Variants in LSAMP observed in about 807,000 individuals in gnomAD.
LSAMP encodes limbic system-associated membrane protein.
Under a neutral mutation model 38.6 loss-of-function variants are expected in LSAMP, and 7 were observed. The observed-to-expected ratio is 0.18, with a 90% CI of 0.10 to 0.34. LSAMP has a LOEUF of 0.34. Among genes scored for constraint, LSAMP ranks in the 10% least tolerant of loss-of-function variants. The probability of loss-of-function intolerance (pLI) is 1.00; values close to 1 mark genes in which losing one functional copy is unlikely to be tolerated. For missense variants in LSAMP, 313 were observed against 420.0 expected (o/e 0.75, Z 2.23); for synonymous variants, 154 against 166.8 (o/e 0.92, Z 0.59).
Position 115,930,936 on chromosome 3 carries a change from A to C in LSAMP, c.515-78319T>G, listed in dbSNP as rs537317921. ...TTTTTCTATCACATTTTATAAAAACAAGATAAAAATTACATAAATTGTTTG... is the reference window on the plus strand; with the variant it reads ...TTTTTCTATCACATTTTATAAAAACCAGATAAAAATTACATAAATTGTTTG... On this transcript the variant is annotated intron_variant, in intron 3 of 6. Transcript: ENST00000490035. 9.2e-5 allele frequency among the ~76,000 whole-genome samples: 14 copies of C among 152,350 alleles called. No individual in the cohort carries two copies. The South Asian group carries it at 2.7e-3, about 29-fold the overall frequency.
intron 1 of LSAMP, among the ~76,000 whole-genome samples, chr3:116,188,749 G>A (rs1045876643): frequency 6.6e-6 from 1 of 152,170 alleles, no homozygotes; most frequent in Non-Finnish European, 1.5e-5. Flanking sequence ...TTGCGGGAAT[G>A]GGGGAATTCA....
intron 3 of LSAMP, among the ~76,000 whole-genome samples, chr3:115,915,626 G>C (rs1022160640): frequency 2.6e-5 from 4 of 151,974 alleles, no homozygotes; most frequent in Non-Finnish European, 5.9e-5. Flanking sequence ...TCTGTGGATG[G>C]AAATTAGGAA....
At chr3:116,419,078 C>T (rs2049089099) in intron 1 of LSAMP, among the ~76,000 whole-genome samples, 1 of 152,204 alleles carries the variant, frequency 6.6e-6, no homozygotes, top group South Asian at 2.1e-4. Context: ...TGTAGAAGTG[C>T]TACCCTGTGT....
intron 1 of LSAMP, among the ~76,000 whole-genome samples, chr3:116,357,131 C>T (rs1217274929): frequency 6.6e-6 from 1 of 152,126 alleles, no homozygotes; most frequent in East Asian, 1.9e-4. Flanking sequence ...CTAATCAACA[C>T]TTAGGTCCTT....
chr3:116,412,043 A>C (rs1016585631), intron 1 of LSAMP, among the ~76,000 whole-genome samples: 4 of 152,014 alleles, frequency 2.6e-5, no homozygotes, highest in Non-Finnish European at 5.9e-5. Context: ...AGCAAAACAA[A>C]CTGTTCTTAT....
intron 1 of LSAMP, among the ~76,000 whole-genome samples, chr3:116,165,555 TACAC>T (rs766650000): frequency 6.6e-6 from 1 of 151,174 alleles, no homozygotes; most frequent in Non-Finnish European, 1.5e-5. Flanking sequence ...CAAACACACA[TACAC>T]ACACACACAC....
intron 2 of LSAMP, among the ~76,000 whole-genome samples, chr3:116,028,570 G>A (rs1277996611): frequency 1.3e-5 from 2 of 152,106 alleles, no homozygotes; most frequent in African/African-American, 2.4e-5. Flanking sequence ...GGCATTAGGC[G>A]ATATTATGGG....
chr3:116,090,017 G>A (rs1337587017), intron 1 of LSAMP, among the ~76,000 whole-genome samples: 1 of 151,428 alleles, frequency 6.6e-6, no homozygotes, highest in African/African-American at 2.4e-5. Flanking sequence ...AATTTAAGGT[G>A]GCACCTATTT....
intron 1 of LSAMP, among the ~76,000 whole-genome samples, chr3:116,214,428 A>C (rs1428256467): frequency 6.6e-6 from 1 of 151,482 alleles, no homozygotes; most frequent in Non-Finnish European, 1.5e-5. Flanking sequence ...GAATCAGGTT[A>C]TATCCTGTGG....
intron 1 of LSAMP, among the ~76,000 whole-genome samples, chr3:116,115,213 AG>A (rs1416813608): frequency 1.3e-5 from 2 of 152,280 alleles, no homozygotes; most frequent in Non-Finnish European, 2.9e-5. Flanking sequence ...CAAAGCTGAA[AG>A]GGGCTTTAAT....
chr3:116,077,971 T>C (rs1000096164), intron 2 of LSAMP, among the ~76,000 whole-genome samples: 1 of 152,248 alleles, frequency 6.6e-6, no homozygotes, highest in African/African-American at 2.4e-5. Context: ...GCCTCTTATC[T>C]TTTGGCAAAT....
chr3:116,407,791 C>T (rs917015340), intron 1 of LSAMP, among the ~76,000 whole-genome samples: 3 of 152,006 alleles, frequency 2.0e-5, no homozygotes, highest in African/African-American at 7.2e-5. Flanking sequence ...ACCCAGCTTC[C>T]CATGTGGCCA....
intron 1 of LSAMP, among the ~76,000 whole-genome samples, chr3:116,230,725 GC>G (rs2046393995): frequency 6.6e-6 from 1 of 152,056 alleles, no homozygotes; most frequent in Non-Finnish European, 1.5e-5. Context: ...AACCCACTCG[GC>G]TTTTGTGCGC....
At chr3:116,283,963 G>A (rs13090417) in intron 1 of LSAMP, among the ~76,000 whole-genome samples, 11,529 of 152,022 alleles carry the variant, frequency 0.076, 646 homozygotes, top group African/African-American at 0.15. Flanking sequence ...CCGAGGTTGC[G>A]CCACTGCACT....
chr3:116,153,690 C>A (rs186956673), intron 1 of LSAMP, among the ~76,000 whole-genome samples: 100 of 152,016 alleles, frequency 6.6e-4, no homozygotes, highest in African/African-American at 2.3e-3. Context: ...TCTTTTAATT[C>A]AATCTTGTAA....
rs546410836 is a variant in LSAMP, at chr3:116,004,278, G to A, written c.514+15237C>T. 3.3e-4 allele frequency among the ~76,000 whole-genome samples: 50 copies of A among 151,824 alleles called. 1 individual carries two copies. The highest frequency in any genetic ancestry group is 1.1e-3 in the African/African-American group (44 of 41,416). ...CTTTGAGGGTAAAAATTCAGGCCAA[G>A]GCTAAAGAGTATTTCATTGTAATTG... is the stretch of plus-strand genomic sequence containing the variant. On this transcript the variant is annotated intron_variant, in intron 3 of 6. Coordinates refer to ENST00000490035, the MANE Select transcript of LSAMP (RefSeq NM_002338.5).
chr3:116,030,164 T>A (rs1414582374), intron 2 of LSAMP, among the ~76,000 whole-genome samples: 1 of 152,088 alleles, frequency 6.6e-6, no homozygotes, highest in African/African-American at 2.4e-5. Flanking sequence ...TAAATTGAAA[T>A]TTTTCTATAT....
intron 1 of LSAMP, among the ~76,000 whole-genome samples, chr3:116,283,861 C>G (rs1377289476): frequency 6.6e-6 from 1 of 151,968 alleles, no homozygotes; most frequent in African/African-American, 2.4e-5. Context: ...CAAAAATTAG[C>G]TGGGCATGGT....
chr3:116,247,521 A>G (rs958251239), intron 1 of LSAMP, among the ~76,000 whole-genome samples: 10 of 152,242 alleles, frequency 6.6e-5, no homozygotes, highest in African/African-American at 2.4e-4. Context: ...CAAATATGAC[A>G]TAGAAGAATA....
Sources: allele counts gnomAD v4.1 joint callset (sites outside exome capture counted in the v4.1 genomes callset), GRCh38; gene constraint gnomAD v4.1.1; transcripts MANE v1.5; gene names NCBI Gene and HGNC (gene_info 2026-07-23, HGNC 2026-07-21).